The following ZNF487 variants were observed in gnomAD, a reference collection of about 807,000 sequenced individuals.
The protein encoded by ZNF487 is zinc finger protein 487.
Under a neutral mutation model 3.0 loss-of-function variants are expected in ZNF487, and 4 were observed. That is an observed-to-expected ratio of 1.35 (90% CI 0.66 to 3.08). The LOEUF (loss-of-function observed/expected upper bound fraction) is 3.08. Among genes scored for constraint, ZNF487 ranks in the 30% most tolerant of loss-of-function variants. The pLI, the probability that ZNF487 is intolerant of heterozygous loss-of-function variation, is 0.01. For synonymous variants in ZNF487, 55 were observed against 34.6 expected, an observed-to-expected ratio of 1.59 and a Z score of -2.06; for missense variants, 146 against 98.7, an observed-to-expected ratio of 1.48 and a Z score of -2.03.
At chr10:43,513,585 G>A in the ZNF487 span, among the ~76,000 whole-genome samples, 1 of 152,152 alleles carries the variant, frequency 6.6e-6, no homozygotes, top group Non-Finnish European at 1.5e-5. Context: ...TATTGTTTTT[G>A]ATTTACTATT....
In ZNF487 at chr10:43,481,950, C is replaced by A; in HGVS notation, c.*28C>A. 1.6e-6 allele frequency: 1 copy of A among 616,052 alleles called. No homozygotes were observed. The highest frequency in any genetic ancestry group is 2.9e-6 in the Non-Finnish European group (1 of 347,344). 38.2% of individuals were successfully genotyped at this position (616,052 alleles called of 1,614,324 possible). ...ATAATGAACATGTGAGAGCCTTTTC[C>A]GATAGACCAATATTCATTGTTCATC... On this transcript the variant is annotated 3_prime_UTR_variant, in exon 4 of 4. Coordinates refer to ENST00000437590, the MANE Select transcript of ZNF487 (RefSeq NM_001355444.3).
rs147487158 is a variant in ZNF487 at position 43,440,052 on chromosome 10, A to ATGTTTT, written c.-94+2791_-94+2792insGTTTTT. Among the ~76,000 whole-genome samples, 748 of 146,032 alleles carry ATGTTTT rather than the reference A, an allele frequency of 5.1e-3. 35 individuals are homozygous for ATGTTTT. Among genetic ancestry groups the ATGTTTT allele is most frequent in the African/African-American group, 7.2e-3 (289 of 39,984 alleles). On this transcript the variant is annotated intron_variant, in intron 1 of 3. Transcript: ENST00000437590. ...GGTAAGTTTTGTTTTATATATATAT[A>ATGTTTT]TATTTTTTTTTTTGAGGCGAAGTTT...
At chr10:43,520,545 G>A in the ZNF487 span, among the ~76,000 whole-genome samples, 1 of 152,332 alleles carries the variant, frequency 6.6e-6, no homozygotes, top group Admixed American at 6.5e-5. Context: ...AACACTGCTA[G>A]GACCTTAGGG....
intron 1 of ZNF487, among the ~76,000 whole-genome samples, chr10:43,467,818 G>GA (rs548891339): frequency 0.21 from 25,821 of 124,576 alleles, 2,410 homozygotes; most frequent in Non-Finnish European, 0.23. Context: ...CTCTATCTCA[G>GA]AAAAAAAAAA....
chr10:43,460,817 C>T (rs538428138), intron 1 of ZNF487, among the ~76,000 whole-genome samples: 134 of 151,794 alleles, frequency 8.8e-4, no homozygotes, highest in Non-Finnish European at 1.4e-3. Context: ...CTCTGCCTCC[C>T]AAGTATCTGG....
intron 1 of ZNF487, among the ~76,000 whole-genome samples, chr10:43,442,302 A>G (rs1298957873): frequency 1.3e-5 from 2 of 152,064 alleles, no homozygotes; most frequent in Non-Finnish European, 2.9e-5. Context: ...TCTTGCTGTG[A>G]ATTTGATAGG....
chr10:43,461,167 C>T (rs1346402514), intron 1 of ZNF487, among the ~76,000 whole-genome samples: 3 of 152,004 alleles, frequency 2.0e-5, no homozygotes, highest in Non-Finnish European at 2.9e-5. Context: ...CCACCACACC[C>T]GGCTAATTTT....
At chr10:43,460,945 T>C (rs1264196374) in intron 1 of ZNF487, among the ~76,000 whole-genome samples, 1 of 152,058 alleles carries the variant, frequency 6.6e-6, no homozygotes, top group Non-Finnish European at 1.5e-5. Flanking sequence ...AACACCACCT[T>C]GGTCTCCCAA....
chr10:43,470,671 C>T (rs1022686979), intron 1 of ZNF487, among the ~76,000 whole-genome samples: 2 of 151,540 alleles, frequency 1.3e-5, no homozygotes, highest in African/African-American at 4.9e-5. Flanking sequence ...AGGCGTGAGC[C>T]AGCACACCCG....
At chr10:43,503,503 C>A in the ZNF487 span, among the ~76,000 whole-genome samples, 1 of 152,124 alleles carries the variant, frequency 6.6e-6, no homozygotes, top group African/African-American at 2.4e-5. Context: ...CTGTTCTAGG[C>A]CTTCTCATTC....
rs375266583 is a variant in ZNF487, at chr10:43,458,595, T to TAAAAACA, written c.-93-17104_-93-17098dup. ...TTTCCTTTCACCCTGGAAAGCCCCT[T>TAAAAACA]AAAAACAAAAAACAAAAAACAAAAA... On this transcript the variant is annotated intron_variant, in intron 1 of 3. Transcript: ENST00000437590. Among the ~76,000 whole-genome samples, 187 of 152,116 alleles carry TAAAAACA rather than the reference T, an allele frequency of 1.2e-3. 1 individual carries two copies. The highest frequency in any genetic ancestry group is 2.0e-3 in the Non-Finnish European group (139 of 68,000).
the ZNF487 span, among the ~76,000 whole-genome samples, chr10:43,517,016 G>C: frequency 6.6e-6 from 1 of 152,214 alleles, no homozygotes; most frequent in Non-Finnish European, 1.5e-5. Flanking sequence ...CATAGTCTTT[G>C]TAGGCAAGAT....
At chr10:43,465,259 C>T (rs888492837) in intron 1 of ZNF487, among the ~76,000 whole-genome samples, 1 of 150,428 alleles carries the variant, frequency 6.6e-6, no homozygotes, top group African/African-American at 2.4e-5. Flanking sequence ...TCACCTCCCT[C>T]CCGGACGGGG....
chr10:43,455,475 A>C (rs1326716615), intron 1 of ZNF487, among the ~76,000 whole-genome samples: 1 of 152,198 alleles, frequency 6.6e-6, no homozygotes, highest in Non-Finnish European at 1.5e-5. Flanking sequence ...TCGCCTTTCC[A>C]TGCCTGCCGT....
chr10:43,441,606 T>C (rs1839613517), intron 1 of ZNF487, among the ~76,000 whole-genome samples: 1 of 40,670 alleles, frequency 2.5e-5, no homozygotes, highest in Non-Finnish European at 4.9e-5. Flanking sequence ...TTGCCCCAGC[T>C]AGTCAGGGTC....
At chr10:43,520,040 T>G in the ZNF487 span, among the ~76,000 whole-genome samples, 2 of 152,154 alleles carry the variant, frequency 1.3e-5, no homozygotes, top group African/African-American at 4.8e-5. Context: ...TTACATACAT[T>G]TTAGGTTACA....
At chr10:43,509,304 G>A in the ZNF487 span, among the ~76,000 whole-genome samples, 2 of 65,774 alleles carry the variant, frequency 3.0e-5, no homozygotes, top group Non-Finnish European at 4.2e-5. Context: ...TGTGAATAGT[G>A]CCTCATGGTG....
intron 1 of ZNF487, among the ~76,000 whole-genome samples, chr10:43,440,445 T>A (rs1444158553): frequency 6.6e-6 from 1 of 151,954 alleles, no homozygotes; most frequent in Non-Finnish European, 1.5e-5. Flanking sequence ...TCACCTGAGA[T>A]CAGCAGTTTG....
chr10:43,456,276 CAG>C (rs1303667729), intron 1 of ZNF487, among the ~76,000 whole-genome samples: 1 of 152,200 alleles, frequency 6.6e-6, no homozygotes, highest in Non-Finnish European at 1.5e-5. Flanking sequence ...TTTCTAAAAA[CAG>C]AGCAGCACTT....
Sources: allele counts gnomAD v4.1 joint callset (sites outside exome capture counted in the v4.1 genomes callset), GRCh38; gene constraint gnomAD v4.1.1; transcripts MANE v1.5; gene names NCBI Gene and HGNC (gene_info 2026-07-23, HGNC 2026-07-21).